PNPLA3: variants seen among roughly 807,000 people sequenced by gnomAD.
PNPLA3 encodes the protein 1-acylglycerol-3-phosphate O-acyltransferase PNPLA3.
PNPLA3 carries 42 observed loss-of-function variants against 43.1 expected under a neutral mutation model. That is an observed-to-expected ratio of 0.97 (90% CI 0.76 to 1.26). The LOEUF (loss-of-function observed/expected upper bound fraction) is 1.26. PNPLA3 is among the 50% of genes most tolerant of loss of function. The pLI is 0.00. For missense variants in PNPLA3, 647 were observed against 621.4 expected (o/e 1.04, Z -0.44); for synonymous variants, 272 against 253.6 (o/e 1.07, Z -0.69).
At chr22:43,929,844 G>A (rs1349592116) in intron 3 of PNPLA3, among the ~76,000 whole-genome samples, 2 of 152,178 alleles carry the variant, frequency 1.3e-5, no homozygotes, top group Admixed American at 6.5e-5. Context: ...TGATCCGCCC[G>A]CCTTGGCCTC....
rs2049905371 is a variant in PNPLA3 at position 43,924,113 on chromosome 22, G to A, written c.187+15G>A. ...TATCCCGCTGGGTGCGTCTGGGGAC[G>A]CTGCCCGGGCTCCACGTGCGGAGTG... On this transcript the variant is annotated intron_variant, in intron 1 of 8. Transcript: ENST00000216180. 4 of 1,521,644 alleles carry A rather than the reference G, an allele frequency of 2.6e-6. No homozygotes were observed. The highest frequency in any genetic ancestry group is 2.0e-5 in the Admixed American group (1 of 48,904). 94.3% of individuals were successfully genotyped at this position (1,521,644 alleles called of 1,614,324 possible). A position where few individuals can be genotyped will look rare whatever the true frequency, so the allele number is the denominator to read the frequency against.
At chr22:43,925,179 T>C (rs1398332155) in intron 1 of PNPLA3, among the ~76,000 whole-genome samples, 1 of 152,132 alleles carries the variant, frequency 6.6e-6, no homozygotes, top group Non-Finnish European at 1.5e-5. Context: ...TAGTTTCCAC[T>C]GACCTAGGCC....
intron 3 of PNPLA3, 79 bp downstream of exon 3, chr22:43,928,968 T>A: frequency 7.1e-7 from 1 of 1,413,182 alleles, no homozygotes; most frequent in South Asian, 1.1e-5. Context: ...TGCAGGGCAC[T>A]GGTGTCGGGC....
Position 43,940,069 on chromosome 22 carries a change from T to C in PNPLA3, c.1056T>C (p.Ser352=). 2 of 1,614,128 alleles carry C rather than the reference T, an allele frequency of 1.2e-6. No individual in the cohort carries two copies. Among genetic ancestry groups the C allele is most frequent in the Non-Finnish European group, 1.7e-6 (2 of 1,179,956 alleles). Residue 352 remains serine, a synonymous_variant, in exon 7 of 9, where the codon TCT becomes TCC. Transcript: ENST00000216180. Reference sequence around the variant, plus strand: ...ACTTGCTACCCATTAGGATAATGTCTTATGTAATGCTGCCCTGTACCCTGC... The same window carrying C: ...ACTTGCTACCCATTAGGATAATGTCCTATGTAATGCTGCCCTGTACCCTGC... The part of the protein sequence containing the change: ...ICNLLPIRIM[S]YVMLPCTLPV...
chr22:43,935,260 C>T (rs946990725), intron 5 of PNPLA3, among the ~76,000 whole-genome samples: 2 of 152,078 alleles, frequency 1.3e-5, no homozygotes, highest in Admixed American at 1.3e-4. Context: ...ATGAATTTGT[C>T]GTTGGCCAAG....
intron 8 of PNPLA3, among the ~76,000 whole-genome samples, chr22:43,945,055 G>A (rs2050054197): frequency 6.6e-6 from 1 of 152,220 alleles, no homozygotes; most frequent in African/African-American, 2.4e-5. Flanking sequence ...AGCATTGATG[G>A]TGGAAGAGCA....
At position 43,932,947 on chromosome 22, in the gene PNPLA3, C is replaced by T. The variant is rs762068780; in HGVS notation, c.556C>T (p.Pro186Ser). The T allele has an allele frequency of 8.7e-6, 14 of 1,614,184 alleles. No individual in the cohort carries two copies. The highest frequency in any genetic ancestry group is 1.1e-5 in the Non-Finnish European group (13 of 1,180,032). The change falls in exon 4 of 9, where the codon CCC becomes TCC. Residue 186 changes from proline to serine, a missense_variant. Coordinates refer to ENST00000216180, the MANE Select transcript of PNPLA3 (RefSeq NM_025225.3). Reference sequence around the variant, plus strand: ...TGCCAAAACAACCATCACCGTGTCCCCCTTCTATGGGGAGTACGACATCTG... The same window carrying T: ...TGCCAAAACAACCATCACCGTGTCCTCCTTCTATGGGGAGTACGACATCTG... ...IDAKTTITVS[P>S]FYGEYDICPK...
intron 1 of PNPLA3, among the ~76,000 whole-genome samples, chr22:43,926,434 T>A (rs1191846519): frequency 1.3e-5 from 2 of 152,162 alleles, no homozygotes; most frequent in African/African-American, 4.8e-5. Context: ...AAAGCTCTAA[T>A]GCTGATATGT....
Position 43,923,985 on chromosome 22 carries a change from C to T in PNPLA3, c.74C>T (p.Ala25Val). 6.3e-7 allele frequency: 1 copy of T among 1,584,856 alleles called. No homozygotes were observed. Among genetic ancestry groups the T allele is most frequent in the Non-Finnish European group, 8.5e-7 (1 of 1,174,110 alleles). Residue 25 changes from alanine to valine, a missense_variant, in exon 1 of 9, where the codon GCG (alanine) becomes GTG (valine). Physicochemically the swap from Ala to Val is moderately conservative, Grantham distance 64 (BLOSUM62 0). Transcript: ENST00000216180. Reference protein sequence around the residue: ...CGFLGFYHVGATRCLSEHAPH... With the variant: ...CGFLGFYHVGVTRCLSEHAPH... ...TTCCTGGGCTTCTACCACGTCGGGGCGACCCGCTGCCTGAGCGAGCACGCC... is the reference window on the plus strand; with the variant it reads ...TTCCTGGGCTTCTACCACGTCGGGGTGACCCGCTGCCTGAGCGAGCACGCC...
At chr22:43,944,890 C>T in intron 8 of PNPLA3, 95 bp downstream of exon 8, 4 of 1,109,304 alleles carry the variant, frequency 3.6e-6, no homozygotes, top group Non-Finnish European at 5.4e-6. Context: ...GGCTGAACAC[C>T]AAGCAAGGAG....
chr22:43,937,296 C>G, intron 6 of PNPLA3, 24 bp downstream of exon 6: 1 of 1,599,344 alleles, frequency 6.3e-7, no homozygotes, highest in Non-Finnish European at 8.5e-7. Context: ...GGGGTGAGCA[C>G]GGGCAGCACC....
intron 8 of PNPLA3, among the ~76,000 whole-genome samples, chr22:43,945,513 C>T (rs2050057473): frequency 6.6e-6 from 1 of 152,172 alleles, no homozygotes; most frequent in South Asian, 2.1e-4. Flanking sequence ...CCTGAGAGCC[C>T]GTAGCATGGT....
intron 3 of PNPLA3, among the ~76,000 whole-genome samples, chr22:43,929,481 G>GA (rs1181239456): frequency 0.016 from 1,188 of 73,518 alleles, 7 homozygotes; most frequent in African/African-American, 0.03. Context: ...ATCTCAAAAA[G>GA]AAAAAAAAAA....
At chr22:43,924,947 T>G (rs2049912208) in intron 1 of PNPLA3, among the ~76,000 whole-genome samples, 1 of 152,136 alleles carries the variant, frequency 6.6e-6, no homozygotes, top group African/African-American at 2.4e-5. Flanking sequence ...TGCTCCCTGC[T>G]GCCTACGCTC....
In PNPLA3 at chr22:43,934,612, G is replaced by A; in HGVS notation, c.703G>A (p.Gly235Arg). The A allele has an allele frequency of 6.2e-7, 1 of 1,613,702 alleles. No homozygotes were observed. The stretch of plus-strand genomic sequence containing the variant: ...TTGCTTGCTTTGCTCACAGGTGCTG[G>A]GAGAGATATGCCTTCGAGGATATTT... ...AFVPPDLKVL[G>R]EICLRGYLDA... Residue 235 changes from glycine (G) to arginine (R), a missense_variant, in exon 5 of 9, where the codon GGA becomes AGA. Physicochemically the swap from Gly to Arg is moderately radical, Grantham distance 125. Coordinates refer to ENST00000216180, the MANE Select transcript of PNPLA3 (RefSeq NM_025225.3).
intron 6 of PNPLA3, among the ~76,000 whole-genome samples, chr22:43,938,982 GT>G: frequency 6.6e-6 from 1 of 152,236 alleles, no homozygotes; most frequent in East Asian, 1.9e-4. Flanking sequence ...GGAGTGTGCA[GT>G]GGCGTGATCT....
intron 1 of PNPLA3, among the ~76,000 whole-genome samples, chr22:43,924,793 G>T (rs181576937): frequency 6.6e-6 from 1 of 151,970 alleles, no homozygotes; most frequent in Non-Finnish European, 1.5e-5. Flanking sequence ...GACTACAGGC[G>T]CCAGCCACCA....
intron 2 of PNPLA3, 103 bp downstream of exon 2, chr22:43,927,270 G>A (rs1283303199): frequency 4.4e-5 from 47 of 1,058,172 alleles, no homozygotes; most frequent in Admixed American, 2.0e-4. Context: ...AGGCCGAAGC[G>A]GGTGGGTTGC....
chr22:43,943,045 C>T (rs921944531), intron 7 of PNPLA3, among the ~76,000 whole-genome samples: 2 of 152,102 alleles, frequency 1.3e-5, no homozygotes, highest in Admixed American at 1.3e-4. Context: ...TGCGTCTGCT[C>T]TGACAGATTT....
Sources: allele counts gnomAD v4.1 joint callset (sites outside exome capture counted in the v4.1 genomes callset), GRCh38; gene constraint gnomAD v4.1.1; transcripts MANE v1.5; gene names NCBI Gene and HGNC (gene_info 2026-07-23, HGNC 2026-07-21).